The following SLIT3 variants were observed in gnomAD, a reference collection of about 807,000 sequenced individuals.
SLIT3 encodes slit homolog 3 protein.
In SLIT3, 68 loss-of-function variants were observed where a neutral mutation model predicts 184.0. The observed-to-expected ratio is 0.37, with a 90% CI of 0.30 to 0.45. SLIT3 has a LOEUF of 0.45. SLIT3 is among the 20% of genes least tolerant of loss of function. The probability of loss-of-function intolerance (pLI) is 1.00; values close to 1 mark genes in which losing one functional copy is unlikely to be tolerated. For missense variants in SLIT3, 1,707 were observed against 2,026.0 expected (o/e 0.84, Z 3.02); for synonymous variants, 831 against 828.6 (o/e 1.00, Z -0.05).
rs1212065980 is a variant in SLIT3 at position 169,070,454 on chromosome 5, G to A, written c.413+123025C>T. On this transcript the variant is annotated intron_variant, in intron 4 of 35. Coordinates refer to ENST00000519560, the MANE Select transcript of SLIT3 (RefSeq NM_003062.4). ...TGTCACTGACTGTATGTTGCAAAGAGGGCTAAAATCTGAGGTTTCAGCTAA... is the reference window on the plus strand; with the variant it reads ...TGTCACTGACTGTATGTTGCAAAGAAGGCTAAAATCTGAGGTTTCAGCTAA... 2.6e-5 allele frequency among the ~76,000 whole-genome samples: 4 copies of A among 152,270 alleles called. No homozygotes were observed. In the East Asian group the frequency reaches 7.7e-4, roughly 29 times the overall value.
At chr5:169,121,240 T>G (rs1029385408) in intron 4 of SLIT3, among the ~76,000 whole-genome samples, 1 of 152,202 alleles carries the variant, frequency 6.6e-6, no homozygotes, top group African/African-American at 2.4e-5. Context: ...GGATGAAATT[T>G]AGGAACTCCA....
In SLIT3 at chr5:168,662,483, G is replaced by T. The variant is rs1236336609; in HGVS notation, c.*3971C>A. On this transcript the variant is annotated 3_prime_UTR_variant, in exon 36 of 36. Transcript: ENST00000519560. Reference sequence around the variant, plus strand: ...CTTTTTTTTCCCTCTGAGCTTGGGAGTTATCCCTCTTCTTGCCCTTCTTCT... The same window carrying T: ...CTTTTTTTTCCCTCTGAGCTTGGGATTTATCCCTCTTCTTGCCCTTCTTCT... 1 of 152,130 alleles carries T rather than the reference G, an allele frequency of 6.6e-6. No individual in the cohort carries two copies. The highest frequency in any genetic ancestry group is 2.4e-5 in the African/African-American group (1 of 41,404). 9.4% of individuals were successfully genotyped at this position (152,130 alleles called of 1,614,324 possible).
chr5:169,235,558 T>C (rs67576081), intron 3 of SLIT3, among the ~76,000 whole-genome samples: 37,527 of 152,172 alleles, frequency 0.25, 5,470 homozygotes, highest in Non-Finnish European at 0.34. Flanking sequence ...CTAAAGTCAA[T>C]ACTTTTTTCA....
Position 168,687,136 on chromosome 5 carries a change from A to G in SLIT3, c.3177-20T>C, listed in dbSNP as rs1172933063. 21 of 1,609,664 alleles carry G rather than the reference A, an allele frequency of 1.3e-5. No homozygotes were observed. The highest frequency in any genetic ancestry group is 1.8e-5 in the Non-Finnish European group (21 of 1,176,254). ...TCGCAGCTGGAACATAGGCAGAGGC[A>G]AGGCCGTTCCTCAAGGCAAAGCCAG... On this transcript the variant is annotated intron_variant, in intron 29 of 35. Transcript: ENST00000519560.
rs1761306628 is a variant in SLIT3 at position 168,673,216 on chromosome 5, G to T, written c.3802C>A (p.Gln1268Lys). 1 of 1,614,158 alleles carries T rather than the reference G, an allele frequency of 6.2e-7. No homozygotes were observed. Among genetic ancestry groups the T allele is most frequent in the Middle Eastern group, 1.6e-4 (1 of 6,062 alleles). ...TPKSLGKLQK[Q>K]PAVGINSPLY... The stretch of plus-strand genomic sequence containing the variant: ...GGGCTGTTGATGCCCACTGCTGGCT[G>T]CTTCTGGAGCTTCCCCAGGCTCTTT... Residue 1268 changes from glutamine (Q) to lysine (K), a missense_variant, in exon 33 of 36, where the codon CAG becomes AAG. Around this residue, in one of 3 missense-constraint regions of SLIT3, gnomAD observed 387 missense variants for 477.9 expected, o/e 0.81. Transcript: ENST00000519560.
At chr5:168,781,806 T>C (rs1410827296) in intron 12 of SLIT3, among the ~76,000 whole-genome samples, 5 of 152,182 alleles carry the variant, frequency 3.3e-5, no homozygotes, top group African/African-American at 7.2e-5. Context: ...TGTCTCTGGA[T>C]GGATGTGCTG....
rs1161283632 is a variant in SLIT3 at position 168,983,776 on chromosome 5, G to T, written c.414-100440C>A. On this transcript the variant is annotated intron_variant, in intron 4 of 35. Transcript: ENST00000519560. ...ATCTATTTCCAAAAGGTTTTTGGAGGTATGATACGAGCAGAGAAATCACAG... is the reference window on the plus strand; with the variant it reads ...ATCTATTTCCAAAAGGTTTTTGGAGTTATGATACGAGCAGAGAAATCACAG... 2.0e-5 allele frequency among the ~76,000 whole-genome samples: 3 copies of T among 152,152 alleles called. No homozygotes were observed. The East Asian group carries it at 5.8e-4, about 29-fold the overall frequency.
intron 4 of SLIT3, among the ~76,000 whole-genome samples, chr5:168,951,537 C>T (rs1762651473): frequency 6.6e-6 from 1 of 152,188 alleles, no homozygotes; most frequent in African/African-American, 2.4e-5. Context: ...GAAACCCTTA[C>T]AAATACTTGG....
chr5:169,051,611 A>G (rs1757817157), intron 4 of SLIT3, among the ~76,000 whole-genome samples: 2 of 152,214 alleles, frequency 1.3e-5, no homozygotes, highest in African/African-American at 4.8e-5. Flanking sequence ...CACTTTGGCT[A>G]CCTAAGACCT....
intron 2 of SLIT3, among the ~76,000 whole-genome samples, chr5:169,245,456 T>C (rs1372097802): frequency 1.3e-5 from 2 of 151,198 alleles, no homozygotes; most frequent in Admixed American, 1.3e-4. Context: ...GAAATGTTTG[T>C]TTCCCTAACT....
intron 14 of SLIT3, among the ~76,000 whole-genome samples, chr5:168,765,693 G>A (rs1298433458): frequency 6.6e-6 from 1 of 152,188 alleles, no homozygotes; most frequent in African/African-American, 2.4e-5. Context: ...TAGTAATAGA[G>A]GACCGACTGC....
chr5:168,979,237 C>T (rs915308254), intron 4 of SLIT3, among the ~76,000 whole-genome samples: 12 of 152,182 alleles, frequency 7.9e-5, no homozygotes, highest in South Asian at 4.1e-4. Flanking sequence ...TGATTTTAAA[C>T]GAATGCTGCT....
intron 30 of SLIT3, among the ~76,000 whole-genome samples, chr5:168,686,130 A>T (rs1761736299): frequency 6.6e-6 from 1 of 152,060 alleles, no homozygotes; most frequent in East Asian, 1.9e-4. Flanking sequence ...TTTTTAAGAG[A>T]GTTGGGGTAG....
At chr5:169,286,099 T>C (rs58109283) in intron 1 of SLIT3, among the ~76,000 whole-genome samples, 11,061 of 152,182 alleles carry the variant, frequency 0.073, 1,330 homozygotes, top group African/African-American at 0.25. Context: ...TTGATCTTCC[T>C]AGTAAGCCAG....
intron 4 of SLIT3, among the ~76,000 whole-genome samples, chr5:168,894,121 A>T (rs1406527555): frequency 6.6e-6 from 1 of 152,194 alleles, no homozygotes; most frequent in African/African-American, 2.4e-5. Flanking sequence ...TAACTCAGTA[A>T]CTTGTCCCAG....
At chr5:169,032,580 C>T (rs72826567) in intron 4 of SLIT3, among the ~76,000 whole-genome samples, 2,050 of 148,760 alleles carry the variant, frequency 0.014, 14 homozygotes, top group Non-Finnish European at 0.014. Flanking sequence ...ATATAGATTC[C>T]CCTCCATGTT....
intron 4 of SLIT3, among the ~76,000 whole-genome samples, chr5:169,063,808 G>C (rs1440359138): frequency 6.6e-6 from 1 of 152,322 alleles, no homozygotes; most frequent in South Asian, 2.1e-4. Flanking sequence ...ATTATGGTAC[G>C]AGAAGCACTG....
At chr5:169,153,042 A>AT (rs1336050751) in intron 4 of SLIT3, among the ~76,000 whole-genome samples, 1 of 152,244 alleles carries the variant, frequency 6.6e-6, no homozygotes, top group Non-Finnish European at 1.5e-5. Flanking sequence ...GAATGTCCCC[A>AT]TAGTCATCCC....
chr5:169,032,944 T>A, intron 4 of SLIT3, among the ~76,000 whole-genome samples: 1 of 133,546 alleles, frequency 7.5e-6, no homozygotes. Context: ...TTTTTTTTTT[T>A]TTTTTTGGTG....
Sources: allele counts gnomAD v4.1 joint callset (sites outside exome capture counted in the v4.1 genomes callset), GRCh38; gene constraint gnomAD v4.1.1; regional missense constraint gnomAD v4.1.1; transcripts MANE v1.5; gene names NCBI Gene and HGNC (gene_info 2026-07-23, HGNC 2026-07-21).